The following CCDC7 variants were observed in gnomAD, a reference collection of about 807,000 sequenced individuals.
CCDC7 encodes the protein coiled-coil domain containing 7, also known as coiled-coil domain-containing protein 7.
A neutral mutation model predicts 196.9 loss-of-function variants in CCDC7; 183 were observed. The observed-to-expected ratio is 0.93, with a 90% CI of 0.82 to 1.05. The LOEUF (loss-of-function observed/expected upper bound fraction) is 1.05. CCDC7 is among the 50% of genes least tolerant of loss of function. CCDC7 has a pLI of 0.00. For synonymous variants in CCDC7, 525 were observed against 484.6 expected, an observed-to-expected ratio of 1.08 and a Z score of -1.10; for missense variants, 1,540 against 1,482.2, an observed-to-expected ratio of 1.04 and a Z score of -0.64.
At chr10:32,719,777 A>G (rs577086194) in intron 25 of CCDC7, among the ~76,000 whole-genome samples, 1 of 152,242 alleles carries the variant, frequency 6.6e-6, no homozygotes, top group African/African-American at 2.4e-5. Context: ...AAAGCTCATC[A>G]TCACTGGTCA....
chr10:32,704,478 T>G (rs972785473), intron 24 of CCDC7, among the ~76,000 whole-genome samples: 2 of 152,164 alleles, frequency 1.3e-5, no homozygotes, highest in Non-Finnish European at 2.9e-5. Context: ...GAGGAGGCAG[T>G]CAGTCCATTC....
chr10:32,715,736 C>T (rs558307338), intron 25 of CCDC7, among the ~76,000 whole-genome samples: 6 of 152,170 alleles, frequency 3.9e-5, no homozygotes, highest in African/African-American at 1.2e-4. Flanking sequence ...AAACACAGCA[C>T]GAGAACTTTG....
intron 28 of CCDC7, among the ~76,000 whole-genome samples, chr10:32,762,971 C>T (rs2077685963): frequency 6.6e-6 from 1 of 151,662 alleles, no homozygotes; most frequent in African/African-American, 2.4e-5. Flanking sequence ...TTAGATAGCT[C>T]ACCAAGAGCA....
intron 23 of CCDC7, among the ~76,000 whole-genome samples, chr10:32,689,988 G>A (rs960183449): frequency 6.6e-6 from 1 of 152,140 alleles, no homozygotes; most frequent in Non-Finnish European, 1.5e-5. Context: ...ACCCGCCTCG[G>A]CCTCCCAAAG....
At chr10:32,859,985 C>T (rs781419447) in intron 41 of CCDC7, among the ~76,000 whole-genome samples, 16 of 152,214 alleles carry the variant, frequency 1.1e-4, no homozygotes, top group African/African-American at 3.4e-4. Flanking sequence ...ACCAGAGGTA[C>T]GAAGAGGAGC....
intron 30 of CCDC7, among the ~76,000 whole-genome samples, chr10:32,811,077 A>T (rs1757266989): frequency 6.6e-6 from 1 of 152,078 alleles, no homozygotes; most frequent in Admixed American, 6.6e-5. Flanking sequence ...AAAGATTTCA[A>T]ATAAATTAAC....
chr10:32,844,505 T>C (rs1352389652), intron 33 of CCDC7, among the ~76,000 whole-genome samples: 2 of 151,912 alleles, frequency 1.3e-5, no homozygotes, highest in Admixed American at 1.3e-4. Context: ...GTGGAGACCA[T>C]GGTTTGCAAA....
At chr10:32,488,385 C>T (rs572741074) in intron 8 of CCDC7, among the ~76,000 whole-genome samples, 1 of 152,326 alleles carries the variant, frequency 6.6e-6, no homozygotes, top group African/African-American at 2.4e-5. Flanking sequence ...CCGTCTGTCA[C>T]CCCTTTCTTT....
chr10:32,664,496 A>G (rs1249958685), intron 21 of CCDC7, among the ~76,000 whole-genome samples: 4 of 152,030 alleles, frequency 2.6e-5, no homozygotes, highest in Non-Finnish European at 4.4e-5. Context: ...ACATTGCTTC[A>G]GTCCTCCCAC....
At chr10:32,532,502 T>G (rs2049832802) in intron 11 of CCDC7, among the ~76,000 whole-genome samples, 1 of 152,208 alleles carries the variant, frequency 6.6e-6, no homozygotes, top group African/African-American at 2.4e-5. Context: ...ACAATGTGTA[T>G]TCTGCGGCAG....
At chr10:32,835,653 G>A (rs1307824436) in intron 33 of CCDC7, among the ~76,000 whole-genome samples, 1 of 152,016 alleles carries the variant, frequency 6.6e-6, no homozygotes, top group Non-Finnish European at 1.5e-5. Flanking sequence ...TGGACACATG[G>A]AGGGGAACAA....
chr10:32,712,710 C>G (rs1283435299), intron 25 of CCDC7, among the ~76,000 whole-genome samples: 1 of 152,194 alleles, frequency 6.6e-6, no homozygotes, highest in African/African-American at 2.4e-5. Flanking sequence ...GAGAGGAATG[C>G]TGAAAGGACA....
At chr10:32,558,715 G>A (rs184782062) in intron 13 of CCDC7, among the ~76,000 whole-genome samples, 2 of 152,174 alleles carry the variant, frequency 1.3e-5, no homozygotes, top group Admixed American at 6.5e-5. Flanking sequence ...GAACAGCTCC[G>A]GTCTACAGCT....
intron 24 of CCDC7, among the ~76,000 whole-genome samples, chr10:32,701,835 T>G (rs2078784109): frequency 1.3e-5 from 2 of 152,190 alleles, no homozygotes. Flanking sequence ...CTGATGGTAG[T>G]TTGTATTTCT....
chr10:32,761,228 G>A (rs1019389697), intron 28 of CCDC7, among the ~76,000 whole-genome samples: 1 of 151,984 alleles, frequency 6.6e-6, no homozygotes, highest in Non-Finnish European at 1.5e-5. Context: ...GGGGCACCCA[G>A]CAGTTACCAC....
At chr10:32,879,417 C>G (rs1050598659), downstream of CCDC7, among the ~76,000 whole-genome samples, 2 of 151,998 alleles carry the variant, frequency 1.3e-5, no homozygotes, top group Non-Finnish European at 2.9e-5. Flanking sequence ...TGCTGGAGGT[C>G]GTTGCTCGGG....
chr10:32,830,770 TAGG>T (rs2092084573), intron 32 of CCDC7, among the ~76,000 whole-genome samples: 1 of 152,142 alleles, frequency 6.6e-6, no homozygotes, highest in Admixed American at 6.6e-5. Flanking sequence ...ATAGGATTAC[TAGG>T]AGGGAAAGAA....
intron 21 of CCDC7, among the ~76,000 whole-genome samples, chr10:32,668,031 C>T (rs2073198401): frequency 6.6e-6 from 1 of 151,878 alleles, no homozygotes; most frequent in East Asian, 1.9e-4. Context: ...TGTTTGTATC[C>T]TCTTTTATTT....
intron 11 of CCDC7, among the ~76,000 whole-genome samples, chr10:32,532,941 T>C (rs944585078): frequency 6.6e-6 from 1 of 152,088 alleles, no homozygotes; most frequent in African/African-American, 2.4e-5. Flanking sequence ...AATTGAAGAA[T>C]TGAGACCATT....
Sources: gnomAD v4.1 joint callset for allele counts (sites outside exome capture counted in the v4.1 genomes callset) on GRCh38, gnomAD v4.1.1 for gene constraint, MANE v1.5 for transcripts, NCBI Gene and HGNC (gene_info 2026-07-23, HGNC 2026-07-21) for gene names.